Variants in TFAP2B observed in about 807,000 individuals in gnomAD.
The protein encoded by TFAP2B is transcription factor AP-2 beta, also known as transcription factor AP-2-beta.
TFAP2B carries 9 observed loss-of-function variants against 44.3 expected under a neutral mutation model. The observed-to-expected ratio is 0.20, with a 90% CI of 0.12 to 0.35. The LOEUF is 0.35. Ranked by LOEUF, TFAP2B falls within the 10% of genes least tolerant of loss-of-function variation. TFAP2B has a pLI of 1.00. For synonymous variants in TFAP2B, 270 were observed against 263.8 expected (o/e 1.02, Z -0.23); for missense variants, 509 against 600.0 (o/e 0.85, Z 1.59).
chr6:50,835,467 C>T (rs1318671902), intron 3 of TFAP2B, among the ~76,000 whole-genome samples: 1 of 152,176 alleles, frequency 6.6e-6, no homozygotes, highest in Non-Finnish European at 1.5e-5. Context: ...CCCAGCTCCC[C>T]AGCTCAATGG....
rs778657154 is a variant in TFAP2B at position 50,823,511 on chromosome 6, G to A, written c.186G>A (p.Ser62=). The A allele has an allele frequency of 6.2e-7, 1 of 1,613,148 alleles. No homozygotes were observed. ...SSAPPLSHTP[S]SDFQPPYFPP... is the part of the protein sequence containing the mutation. ...CCCCGCCGCTGTCCCACACCCCGTC[G>A]TCGGACTTCCAGCCGCCCTACTTCC... is the stretch of plus-strand genomic sequence containing the variant. The change falls in exon 2 of 7, where the codon TCG becomes TCA. Residue 62 remains serine (S), a synonymous_variant. Transcript: ENST00000393655.
At chr6:50,828,810 G>A in intron 3 of TFAP2B, 131 bp downstream of exon 3, 1 of 1,089,236 alleles carries the variant, frequency 9.2e-7, no homozygotes. Flanking sequence ...TAGGACAATG[G>A]CTGTCAGATT....
chr6:50,829,985 G>C (rs899254564), intron 3 of TFAP2B, among the ~76,000 whole-genome samples: 3 of 151,902 alleles, frequency 2.0e-5, no homozygotes, highest in Non-Finnish European at 4.4e-5. Context: ...AAATAATATT[G>C]TTTTGGCTTT....
Position 50,823,790 on chromosome 6 carries a change from C to T in TFAP2B, c.465C>T (p.His155=), listed in dbSNP as rs1210447333. The T allele has an allele frequency of 1.3e-6, 2 of 1,586,234 alleles. No individual in the cohort carries two copies. The highest frequency in any genetic ancestry group is 1.1e-5 in the South Asian group (1 of 87,874). The change falls in exon 2 of 7, where the codon CAC becomes CAT. Residue 155 remains histidine, a synonymous_variant. Transcript: ENST00000393655. The part of the protein sequence containing the change: ...RRPDVLLHSA[H]HGLDAGMGDS... ...CGGACGTGCTGCTGCATTCGGCGCA[C>T]CACGGCCTGGACGCGGGCATGGGTG...
intron 3 of TFAP2B, among the ~76,000 whole-genome samples, chr6:50,829,948 A>C (rs1770629959): frequency 6.7e-6 from 1 of 149,940 alleles, no homozygotes; most frequent in South Asian, 2.1e-4. Context: ...TGCTTCAAAC[A>C]TCTCTCTCTC....
At chr6:50,822,045 C>T in intron 1 of TFAP2B, 1 of 905,820 alleles carries the variant, frequency 1.1e-6, no homozygotes, top group Non-Finnish European at 1.6e-6. Context: ...AGCTCAGCTC[C>T]TGTGTCCAGC....
intron 3 of TFAP2B, among the ~76,000 whole-genome samples, chr6:50,834,422 C>T (rs1762579485): frequency 6.6e-6 from 1 of 152,198 alleles, no homozygotes; most frequent in Non-Finnish European, 1.5e-5. Context: ...AAAATGCCTA[C>T]TGGGTAGTAG....
chr6:50,840,973 G>T (rs1419017472), intron 6 of TFAP2B, among the ~76,000 whole-genome samples: 2 of 152,250 alleles, frequency 1.3e-5, no homozygotes, highest in East Asian at 3.9e-4. Context: ...TGCAGGCGCG[G>T]CCCAAACAGC....
At chr6:50,821,930 GA>G (rs1451238482) in intron 1 of TFAP2B, 3 of 308,092 alleles carry the variant, frequency 9.7e-6, no homozygotes, top group Non-Finnish European at 1.8e-5. Context: ...AGAGACAGAT[GA>G]ATAGTTCTGT....
intron 6 of TFAP2B, among the ~76,000 whole-genome samples, chr6:50,842,211 C>A (rs1762747389): frequency 6.6e-6 from 1 of 152,234 alleles, no homozygotes; most frequent in Non-Finnish European, 1.5e-5. Flanking sequence ...GCCTGCCAGC[C>A]ATTTGACCTT....
At chr6:50,829,729 A>C (rs1449655654) in intron 3 of TFAP2B, among the ~76,000 whole-genome samples, 1 of 152,242 alleles carries the variant, frequency 6.6e-6, no homozygotes, top group East Asian at 1.9e-4. Flanking sequence ...GAAGTAATTC[A>C]TCCAGACTCA....
Position 50,843,401 on chromosome 6 carries a change from TA to T in TFAP2B, c.*16del, listed in dbSNP as rs747434951. On this transcript the variant is annotated 3_prime_UTR_variant, in exon 7 of 7. Transcript: ENST00000393655. ...AGAAACACAGGAAATGAAAAATTTT[TA>T]AAAAAAGAAGGAAAAATGTTTTAAA... The T allele has an allele frequency of 6.2e-7, 1 of 1,609,888 alleles. No homozygotes were observed. The highest frequency in any genetic ancestry group is 1.7e-4 in the Middle Eastern group (1 of 6,038).
chr6:50,837,493 C>T (rs139901745), intron 4 of TFAP2B, among the ~76,000 whole-genome samples: 4 of 152,328 alleles, frequency 2.6e-5, no homozygotes, highest in African/African-American at 9.6e-5. Flanking sequence ...TCTGCCCTCT[C>T]CTTTTAACAT....
chr6:50,821,856 T>G (rs1581806864), intron 1 of TFAP2B: 1 of 288,260 alleles, frequency 3.5e-6, no homozygotes, highest in Non-Finnish European at 6.8e-6. Flanking sequence ...CAGCTTCGGG[T>G]GAAAGAGGAC....
intron 6 of TFAP2B, among the ~76,000 whole-genome samples, chr6:50,841,712 A>G (rs1380905244): frequency 6.6e-6 from 1 of 152,040 alleles, no homozygotes; most frequent in East Asian, 1.9e-4. Context: ...GGGGCCTGGG[A>G]GTGTGTGTTT....
In TFAP2B at chr6:50,844,300, A is replaced by C. The variant is rs948596128; in HGVS notation, c.*908A>C. On this transcript the variant is annotated 3_prime_UTR_variant, in exon 7 of 7. Transcript: ENST00000393655. The stretch of plus-strand genomic sequence containing the variant: ...TTTTATGAACTATAGTAAAAAAAAA[A>C]AAACACACACACACACAATATGAAT... 12 of 62,610 alleles carry C rather than the reference A, an allele frequency of 1.9e-4. No individual in the cohort carries two copies. Among genetic ancestry groups the C allele is most frequent in the African/African-American group, 9.1e-4 (11 of 12,028 alleles). 3.9% of individuals were successfully genotyped at this position (62,610 alleles called of 1,614,324 possible).
At chr6:50,822,917 CA>C (rs1770393204) in intron 1 of TFAP2B, among the ~76,000 whole-genome samples, 1 of 152,146 alleles carries the variant, frequency 6.6e-6, no homozygotes. Flanking sequence ...GGTTTTTAAT[CA>C]GGGGGAGCAG....
At chr6:50,831,516 G>C (rs1028033366) in intron 3 of TFAP2B, among the ~76,000 whole-genome samples, 1 of 152,126 alleles carries the variant, frequency 6.6e-6, no homozygotes, top group East Asian at 1.9e-4. Flanking sequence ...CCGGCAGAGG[G>C]TGGTTAATAC....
intron 4 of TFAP2B, 120 bp downstream of exon 4, chr6:50,836,400 T>A (rs1762623928): frequency 1.1e-6 from 1 of 922,672 alleles, no homozygotes; most frequent in African/African-American, 1.6e-5. Flanking sequence ...TCTGACGCAG[T>A]TGCCTAGCAA....
Sources: allele counts gnomAD v4.1 joint callset (sites outside exome capture counted in the v4.1 genomes callset), GRCh38; gene constraint gnomAD v4.1.1; transcripts MANE v1.5; gene names NCBI Gene and HGNC (gene_info 2026-07-23, HGNC 2026-07-21).